Variants in LUC7L3 observed in about 807,000 individuals in gnomAD.
LUC7L3 encodes the protein LUC7 like 3 pre-mRNA splicing factor.
Under a neutral mutation model 66.8 loss-of-function variants are expected in LUC7L3, and 6 were observed. That is an observed-to-expected ratio of 0.09 (90% CI 0.05 to 0.18). The LOEUF (loss-of-function observed/expected upper bound fraction) is 0.18. LUC7L3 is among the 10% of genes least tolerant of loss of function. The pLI is 1.00. For missense variants in LUC7L3, 341 were observed against 531.1 expected (o/e 0.64, Z 3.52); for synonymous variants, 160 against 174.7 (o/e 0.92, Z 0.66).
At chr17:50,735,126 A>C (rs889937502) in intron 1 of LUC7L3, among the ~76,000 whole-genome samples, 6 of 151,192 alleles carry the variant, frequency 4.0e-5, no homozygotes, top group African/African-American at 1.5e-4. Context: ...GCTACTTGGG[A>C]GGCTGAGGCA....
chr17:50,728,618 T>C (rs1325502237), intron 1 of LUC7L3, among the ~76,000 whole-genome samples: 4 of 152,226 alleles, frequency 2.6e-5, no homozygotes, highest in African/African-American at 9.6e-5. Flanking sequence ...AGTGGCGCGA[T>C]CTCAGCTCAC....
At chr17:50,747,627 T>G (rs1183800936) in intron 9 of LUC7L3, among the ~76,000 whole-genome samples, 1 of 152,212 alleles carries the variant, frequency 6.6e-6, no homozygotes, top group Non-Finnish European at 1.5e-5. Context: ...TTGTGTGTTG[T>G]TTGTTTATTA....
At chr17:50,744,189 A>G (rs1359431309) in intron 6 of LUC7L3, among the ~76,000 whole-genome samples, 1 of 152,228 alleles carries the variant, frequency 6.6e-6, no homozygotes, top group Non-Finnish European at 1.5e-5. Flanking sequence ...AATTCTTTTA[A>G]TTGGAGAATA....
At position 50,751,620 on chromosome 17, in the gene LUC7L3, C is replaced by T. The variant is rs957827817; in HGVS notation, c.*959C>T. 8.0e-6 allele frequency: 9 copies of T among 1,127,330 alleles called. No individual in the cohort carries two copies. The highest frequency in any genetic ancestry group is 1.7e-5 in the African/African-American group (1 of 60,492). 69.8% of individuals were successfully genotyped at this position (1,127,330 alleles called of 1,614,324 possible). On this transcript the variant is annotated 3_prime_UTR_variant, in exon 10 of 10. Transcript: ENST00000505658. The stretch of plus-strand genomic sequence containing the variant: ...AATACAATAAACACTTCATATTATT[C>T]GCCTTGTTACACTCAATGCAATTCT...
intron 7 of LUC7L3, 45 bp from the exon 8 acceptor site, chr17:50,745,675 G>C: frequency 6.7e-7 from 1 of 1,488,504 alleles, no homozygotes; most frequent in East Asian, 2.3e-5. Flanking sequence ...GTTTAACAAT[G>C]CTTTAAAGTT....
intron 1 of LUC7L3, among the ~76,000 whole-genome samples, chr17:50,732,919 A>G (rs1162918027): frequency 1.3e-5 from 2 of 152,052 alleles, no homozygotes; most frequent in East Asian, 1.9e-4. Context: ...TTTAGCAGAT[A>G]AGCAACGGCG....
chr17:50,741,685 A>G lies in LUC7L3; in HGVS notation c.380A>G (p.Glu127Gly). The change falls in exon 5 of 10, where the codon GAA becomes GGA. Residue 127 changes from glutamate to glycine, a missense_variant. Coordinates refer to ENST00000505658, the MANE Select transcript of LUC7L3 (RefSeq NM_016424.5). ...GAAGPTGKNE[E>G]KIQVLTDKID... The stretch of plus-strand genomic sequence containing the variant: ...GCTGGCCCAACAGGCAAAAATGAAG[A>G]AAAAATTCAGGTTCTAACAGACAAA... The G allele has an allele frequency of 6.2e-7, 1 of 1,614,034 alleles. No homozygotes were observed. Among genetic ancestry groups the G allele is most frequent in the East Asian group, 2.2e-5 (1 of 44,888 alleles).
chr17:50,741,926 A>T (rs1458292666), intron 5 of LUC7L3, among the ~76,000 whole-genome samples, 195 bp downstream of exon 5: 6 of 152,180 alleles, frequency 3.9e-5, no homozygotes. Flanking sequence ...CTTTACAAAA[A>T]TTAGCCAGGT....
rs1597948332 is a variant in LUC7L3, at chr17:50,751,008, TAAA to T, written c.*350_*352del. 73 of 1,440,304 alleles carry T rather than the reference TAAA, an allele frequency of 5.1e-5. No individual in the cohort carries two copies. In the East Asian group the frequency reaches 1.8e-3, roughly 35 times the overall value. The allele number at this position is 1,440,304 out of a possible 1,614,324, so 89.2% of individuals were successfully genotyped here. On this transcript the variant is annotated 3_prime_UTR_variant, in exon 10 of 10. Transcript: ENST00000505658. ...GATGTCATTTCTTTTTTTTTTTTAA[TAAA>T]AAGGTTGAACTGTTTTTTTTTTTCT...
At chr17:50,746,232 TA>T (rs1218030127) in intron 8 of LUC7L3, among the ~76,000 whole-genome samples, 3 of 152,194 alleles carry the variant, frequency 2.0e-5, no homozygotes, top group African/African-American at 7.2e-5. Context: ...TTTACAAAGT[TA>T]GAGTACCTGA....
chr17:50,743,697 T>C lies in LUC7L3; in HGVS notation c.427-9T>C. On this transcript the variant is annotated splice_polypyrimidine_tract_variant and intron_variant, in intron 5 of 9. Transcript: ENST00000505658. ...AATCTTAACTGTTTTTTTCCCCTACTCTTCTAAGATTGAAGAATTAGGGTC... is the reference window on the plus strand; with the variant it reads ...AATCTTAACTGTTTTTTTCCCCTACCCTTCTAAGATTGAAGAATTAGGGTC... The C allele has an allele frequency of 6.4e-7, 1 of 1,558,268 alleles. No individual in the cohort carries two copies. Among genetic ancestry groups the C allele is most frequent in the South Asian group, 1.1e-5 (1 of 88,386 alleles).
At chr17:50,743,854 G>T in intron 6 of LUC7L3, 44 bp downstream of exon 6, 1 of 1,347,408 alleles carries the variant, frequency 7.4e-7, no homozygotes. Context: ...TCTGTTAACA[G>T]TTAGTAGGAA....
intron 2 of LUC7L3, among the ~76,000 whole-genome samples, chr17:50,739,713 CTTTG>C (rs1318206108): frequency 2.6e-5 from 4 of 152,218 alleles, no homozygotes; most frequent in African/African-American, 4.8e-5. Flanking sequence ...CATAATGAGC[CTTTG>C]TTTGGCCTGA....
intron 1 of LUC7L3, among the ~76,000 whole-genome samples, chr17:50,731,549 T>C (rs1204918980): frequency 2.6e-5 from 4 of 152,220 alleles, no homozygotes; most frequent in Non-Finnish European, 5.9e-5. Flanking sequence ...TTCGGATCAC[T>C]TGTTAATATT....
At chr17:50,732,284 A>G (rs1021269044) in intron 1 of LUC7L3, among the ~76,000 whole-genome samples, 1 of 152,208 alleles carries the variant, frequency 6.6e-6, no homozygotes, top group African/African-American at 2.4e-5. Flanking sequence ...TTTAACACCC[A>G]AGATGGAGTT....
At chr17:50,723,192 TC>T (rs1968905981) in intron 1 of LUC7L3, 1 of 152,252 alleles carries the variant, frequency 6.6e-6, no homozygotes, top group Admixed American at 6.5e-5. Flanking sequence ...GTTTTTATAT[TC>T]TAGATCTCAA....
At chr17:50,729,932 ATATATATATATATG>A (rs1969467805) in intron 1 of LUC7L3, among the ~76,000 whole-genome samples, 7 of 32,452 alleles carry the variant, frequency 2.2e-4, no homozygotes, top group South Asian at 8.2e-4. Flanking sequence ...ATATATATAT[ATATATATATATATG>A]TATGTATTTT....
chr17:50,735,230 CAA>C (rs907051149), intron 1 of LUC7L3, among the ~76,000 whole-genome samples: 9 of 64,974 alleles, frequency 1.4e-4, no homozygotes, highest in Non-Finnish European at 9.8e-5. Flanking sequence ...AACTCTGTCT[CAA>C]AAAAAAAAAA....
In LUC7L3 at chr17:50,754,976, A is replaced by C. The variant is rs1971084734; in HGVS notation, c.*4315A>C. The C allele has an allele frequency of 6.6e-6, 1 of 152,210 alleles. No homozygotes were observed. Among genetic ancestry groups the C allele is most frequent in the East Asian group, 1.9e-4 (1 of 5,202 alleles). 9.4% of individuals were successfully genotyped at this position (152,210 alleles called of 1,614,324 possible). On this transcript the variant is annotated 3_prime_UTR_variant, in exon 10 of 10. Coordinates refer to ENST00000505658, the MANE Select transcript of LUC7L3 (RefSeq NM_016424.5). ...CATTCTGTTTTTAAAAATGCATTGC[A>C]GATGGGCTATGTGAATATGTTTTTA...
Sources: allele counts gnomAD v4.1 joint callset (sites outside exome capture counted in the v4.1 genomes callset), GRCh38; gene constraint gnomAD v4.1.1; transcripts MANE v1.5; gene names NCBI Gene and HGNC (gene_info 2026-07-23, HGNC 2026-07-21).